ATM: variants seen among roughly 807,000 people sequenced by gnomAD.
ATM encodes the protein serine-protein kinase ATM.
ATM carries 308 observed loss-of-function variants against 387.0 expected under a neutral mutation model. The observed-to-expected ratio is 0.80, with a 90% CI of 0.73 to 0.87. ATM has a LOEUF of 0.87. ATM is among the 40% of genes least tolerant of loss of function. The pLI is 0.00. For missense variants in ATM, 3,312 were observed against 3,560.9 expected (o/e 0.93, Z 1.78); for synonymous variants, 1,156 against 1,187.3 (o/e 0.97, Z 0.54).
chr11:108,321,500 A>T (rs2085217081), intron 45 of ATM, 80 bp downstream of exon 45: 2 of 1,596,534 alleles, frequency 1.3e-6, no homozygotes, highest in Middle Eastern at 3.4e-4. Flanking sequence ...TAAAAACTAT[A>T]GGCCGGGCAC....
Position 108,294,957 on chromosome 11 carries a change from T to C in ATM, c.4807T>C (p.Tyr1603His), listed in dbSNP as rs994121421. 2 of 1,613,906 alleles carry C rather than the reference T, an allele frequency of 1.2e-6. No individual in the cohort carries two copies. The highest frequency in any genetic ancestry group is 1.7e-6 in the Non-Finnish European group (2 of 1,179,856). ...EINHFLSVSV[Y>H]DALPLTRLEG... ...TAACCATTTTCTCTCAGTAAGTGTT[T>C]ATGATGCACTTCCATTGACAAGACT... Residue 1603 changes from tyrosine to histidine, a missense_variant, in exon 32 of 63, where the codon TAT becomes CAT. Tyr to His is a moderately conservative substitution (Grantham distance 83). Coordinates refer to ENST00000675843, the MANE Select transcript of ATM (RefSeq NM_000051.4).
intron 61 of ATM, among the ~76,000 whole-genome samples, chr11:108,361,955 A>C (rs1409627082): frequency 7.2e-6 from 1 of 139,430 alleles, no homozygotes; most frequent in East Asian, 2.1e-4. Flanking sequence ...AATGGGATCT[A>C]ATTAAACTAA....
chr11:108,356,737 AT>A (rs1396413361), intron 61 of ATM, among the ~76,000 whole-genome samples: 4 of 152,080 alleles, frequency 2.6e-5, no homozygotes, highest in African/African-American at 9.7e-5. Flanking sequence ...GGCCTCAGAA[AT>A]CTTACTAGTT....
intron 18 of ATM, among the ~76,000 whole-genome samples, chr11:108,269,952 A>G (rs1262196282): frequency 1.3e-5 from 2 of 152,234 alleles, no homozygotes; most frequent in Non-Finnish European, 2.9e-5. Flanking sequence ...TGATGTTTCA[A>G]GTCACTTCAG....
intron 61 of ATM, among the ~76,000 whole-genome samples, chr11:108,359,958 G>C: frequency 6.6e-6 from 1 of 151,874 alleles, no homozygotes; most frequent in Non-Finnish European, 1.5e-5. Context: ...GAGCAGAACT[G>C]AAGGAAATAG....
Position 108,326,063 on chromosome 11 carries a change from T to TC in ATM, c.6813_6814insC (p.Glu2272ArgfsTer8). The TC allele has an allele frequency of 6.2e-7, 1 of 1,614,092 alleles. No homozygotes were observed. Among genetic ancestry groups the TC allele is most frequent in the African/African-American group, 1.3e-5 (1 of 75,058 alleles). ...ATATGTCATTTTCATTTCAGCTCCC[T>TC]GAAAGGGCAATATTTCAAATTAAAC... On this transcript the variant is annotated frameshift_variant, in exon 47 of 63. Coordinates refer to ENST00000675843, the MANE Select transcript of ATM (RefSeq NM_000051.4). LOFTEE classifies it high-confidence loss of function.
chr11:108,327,580 T>C (rs1390042343), intron 47 of ATM, 65 bp from the exon 48 acceptor site: 7 of 1,336,402 alleles, frequency 5.2e-6, no homozygotes, highest in Non-Finnish European at 7.5e-6. Flanking sequence ...TCCCCGTACA[T>C]GAAGGGCAGT....
intron 2 of ATM, 31 bp downstream of exon 2, chr11:108,227,727 T>G (rs1341398857): frequency 6.3e-7 from 1 of 1,588,522 alleles, no homozygotes; most frequent in East Asian, 2.3e-5. Flanking sequence ...AATTTTTCCT[T>G]GAAATAAGTG....
chr11:108,295,147 CA>C, intron 32 of ATM, 88 bp downstream of exon 32: 1 of 1,529,976 alleles, frequency 6.5e-7, no homozygotes, highest in Admixed American at 1.7e-5. Flanking sequence ...TTCATTGTCA[CA>C]GACTTAGTTC....
chr11:108,271,164 T>TA lies in ATM; in HGVS notation c.2921+19dup, dbSNP rs56112367. ...CCACTATCGTAAGAAATTAAAACCTTATGTTATGTTCACTTTAAAGTTATA... is the reference window on the plus strand; with the variant it reads ...CCACTATCGTAAGAAATTAAAACCTTAATGTTATGTTCACTTTAAAGTTATA... On this transcript the variant is annotated intron_variant, in intron 19 of 62. Coordinates refer to ENST00000675843, the MANE Select transcript of ATM (RefSeq NM_000051.4). The TA allele has an allele frequency of 5.6e-4, 897 of 1,613,700 alleles. 4 individuals carry two copies. In the African/African-American group the frequency reaches 7.2e-3, roughly 13 times the overall value.
rs989325299 is a variant in ATM at position 108,357,366 on chromosome 11, G to A, written c.8850+2492G>A. On this transcript the variant is annotated intron_variant, in intron 61 of 62. Transcript: ENST00000675843. ...ACTGCAAGGTGGCAGCGAGGCTGGG[G>A]GAGGGGCGCCCGCCATTGCCCAGGC... 2.1e-3 allele frequency among the ~76,000 whole-genome samples: 316 copies of A among 152,344 alleles called. 1 individual carries two copies. The highest frequency in any genetic ancestry group is 7.1e-3 in the African/African-American group (294 of 41,586).
At chr11:108,272,900 G>C (rs779082221) in intron 22 of ATM, 48 bp downstream of exon 22, 1 of 1,611,356 alleles carries the variant, frequency 6.2e-7, no homozygotes, top group East Asian at 2.2e-5. Context: ...GCAGATGGCA[G>C]TAGAATGTCT....
chr11:108,237,435 C>G (rs1252080238), intron 5 of ATM, among the ~76,000 whole-genome samples: 2 of 151,966 alleles, frequency 1.3e-5, no homozygotes, highest in East Asian at 1.9e-4. Context: ...CTCTGAAACC[C>G]CCTTTTTATT....
chr11:108,266,818 G>C (rs2081276001), intron 16 of ATM, among the ~76,000 whole-genome samples: 1 of 136,580 alleles, frequency 7.3e-6, no homozygotes, highest in Non-Finnish European at 1.5e-5. Flanking sequence ...TTTTGAGACA[G>C]AGTCTCGCTT....
At position 108,353,896 on chromosome 11, in the gene ATM, T is replaced by A. The variant is rs1057521277; in HGVS notation, c.8786+16T>A. The A allele has an allele frequency of 1.3e-6, 2 of 1,596,886 alleles. No homozygotes were observed. Among genetic ancestry groups the A allele is most frequent in the Non-Finnish European group, 1.7e-6 (2 of 1,164,568 alleles). ...TCTTCAGAAGGTAAGTGATATGAAG[T>A]AAAGGAGGGAAATAATTTTTGATGT... On this transcript the variant is annotated intron_variant, in intron 60 of 62. Coordinates refer to ENST00000675843, the MANE Select transcript of ATM (RefSeq NM_000051.4).
chr11:108,318,100 GC>G (rs2084907576), intron 43 of ATM, among the ~76,000 whole-genome samples: 1 of 152,062 alleles, frequency 6.6e-6, no homozygotes, highest in African/African-American at 2.4e-5. Context: ...GGTGGCTCAT[GC>G]CTATAATCCT....
chr11:108,248,880 CT>C lies in ATM; in HGVS notation c.1066-52del, dbSNP rs2079982006. The C allele has an allele frequency of 4.1e-6, 6 of 1,463,050 alleles. No individual in the cohort carries two copies. In the East Asian group the frequency reaches 1.5e-4, roughly 36 times the overall value. The allele number at this position is 1,463,050 out of a possible 1,614,324, so 90.6% of individuals were successfully genotyped here. On this transcript the variant is annotated intron_variant, in intron 8 of 62. Transcript: ENST00000675843. ...TCCAACCTGGGCAACAACAGCGAAA[CT>C]CTGGCTCAAAAAAAAAAAAAAGAAA... is the stretch of plus-strand genomic sequence containing the variant.
In ATM at chr11:108,349,393, G is replaced by A. The variant is rs139608628; in HGVS notation, c.8671+2028G>A. 5.0e-3 allele frequency among the ~76,000 whole-genome samples: 760 copies of A among 151,870 alleles called. 9 individuals are homozygous for A. The highest frequency in any genetic ancestry group is 0.017 in the African/African-American group (694 of 41,392). ...TAAGAATGTGGAATCTGCCAGGCGC[G>A]GTGGATCACACCTGTAATCCCAACA... is the stretch of plus-strand genomic sequence containing the variant. On this transcript the variant is annotated intron_variant, in intron 59 of 62. Transcript: ENST00000675843.
Position 108,321,385 on chromosome 11 carries a change from T to G in ATM, c.6537T>G (p.Ile2179Met), listed in dbSNP as rs146243469. ...LYPTLSRLQA[I>M]GELESIGELF... ...CCACACTTAGCAGGTTGCAGGCCAT[T>G]GGAGAGCTGGAAAGCATTGGGGAGC... The change falls in exon 45 of 63, where the codon ATT (isoleucine) becomes ATG (methionine). Residue 2179 changes from isoleucine to methionine, a missense_variant. Physicochemically the swap from Ile to Met is conservative, Grantham distance 10. Transcript: ENST00000675843. The G allele has an allele frequency of 3.4e-5, 55 of 1,614,080 alleles. No individual in the cohort carries two copies. In the African/African-American group the frequency reaches 6.1e-4, roughly 18 times the overall value.
Sources: gnomAD v4.1 joint callset for allele counts (sites outside exome capture counted in the v4.1 genomes callset) on GRCh38, gnomAD v4.1.1 for gene constraint, MANE v1.5 for transcripts, NCBI Gene and HGNC (gene_info 2026-07-23, HGNC 2026-07-21) for gene names.